F11R: variants seen among roughly 807,000 people sequenced by gnomAD.
F11R encodes F11 receptor, also known as junctional adhesion molecule A.
In F11R, 27 loss-of-function variants were observed where a neutral mutation model predicts 39.3. The ratio of observed to expected loss-of-function variants is 0.69; its 90% CI spans 0.51 to 0.95. The LOEUF (loss-of-function observed/expected upper bound fraction) is 0.95, where lower values mean the gene tolerates loss of function less well. F11R is among the 40% of genes least tolerant of loss of function. The pLI, the probability that F11R is intolerant of heterozygous loss-of-function variation, is 0.00. For synonymous variants in F11R, 131 were observed against 144.9 expected, an observed-to-expected ratio of 0.90 and a Z score of 0.69; for missense variants, 335 against 372.7, an observed-to-expected ratio of 0.90 and a Z score of 0.83.
At chr1:161,020,019 G>A (rs890689212) in intron 1 of F11R, among the ~76,000 whole-genome samples, 4 of 152,108 alleles carry the variant, frequency 2.6e-5, no homozygotes, top group Non-Finnish European at 5.9e-5. Flanking sequence ...GGGGTGGGGG[G>A]AGACTCATGT....
chr1:161,010,058 T>TAAAATAAAAAAAAAAAAAAAAA (rs1649041453), intron 1 of F11R, among the ~76,000 whole-genome samples: 1 of 145,252 alleles, frequency 6.9e-6, no homozygotes. Flanking sequence ...ACTAAACTCT[T>TAAAATAAAAAAAAAAAAAAAAA]AAAAAAAAAA....
chr1:161,011,729 C>CA (rs200362096), intron 1 of F11R, among the ~76,000 whole-genome samples: 3,510 of 116,252 alleles, frequency 0.03, 120 homozygotes, highest in African/African-American at 0.1. Flanking sequence ...GATTCCACCT[C>CA]AAAAAAAAAA....
At chr1:161,016,725 G>A (rs955988810) in intron 1 of F11R, among the ~76,000 whole-genome samples, 4 of 152,114 alleles carry the variant, frequency 2.6e-5, no homozygotes, top group South Asian at 2.1e-4. Flanking sequence ...ACTGCCACTC[G>A]TTTCCTAGTT....
intron 1 of F11R, among the ~76,000 whole-genome samples, chr1:161,001,602 A>C (rs1054436644): frequency 9.9e-5 from 15 of 152,070 alleles, no homozygotes; most frequent in Non-Finnish European, 1.5e-4. Context: ...TTTGCTTCTA[A>C]TTTTTCTCTC....
rs568845354 is a variant in F11R at position 161,007,294 on chromosome 1, C to A, written c.65-5941G>T. Reference sequence around the variant, plus strand: ...CAGCTTGACCAACATGGAGAAACCTCGTCTCTACTAAAAATACAAAATTAA... The same window carrying A: ...CAGCTTGACCAACATGGAGAAACCTAGTCTCTACTAAAAATACAAAATTAA... On this transcript the variant is annotated intron_variant, in intron 1 of 9. Coordinates refer to ENST00000368026, the MANE Select transcript of F11R (RefSeq NM_016946.6). Among the ~76,000 whole-genome samples, 154 of 151,968 alleles carry A rather than the reference C, an allele frequency of 1.0e-3. 1 individual carries two copies. Among genetic ancestry groups the A allele is most frequent in the African/African-American group, 3.5e-3 (145 of 41,452 alleles).
intron 1 of F11R, among the ~76,000 whole-genome samples, chr1:161,003,739 G>A (rs935752910): frequency 6.6e-6 from 1 of 151,914 alleles, no homozygotes; most frequent in East Asian, 1.9e-4. Flanking sequence ...ACTACGCCTA[G>A]CTAGTTCTAA....
chr1:161,003,681 A>C (rs1405994752), intron 1 of F11R, among the ~76,000 whole-genome samples: 2 of 151,216 alleles, frequency 1.3e-5, no homozygotes, highest in Admixed American at 6.6e-5. Context: ...CATTCAAGAG[A>C]TTCTCCTGCC....
chr1:161,016,358 C>T (rs1649464892), intron 1 of F11R, among the ~76,000 whole-genome samples: 1 of 152,068 alleles, frequency 6.6e-6, no homozygotes. Context: ...CGCCTGTAGT[C>T]CCAGCTACTC....
intron 3 of F11R, 110 bp from the exon 4 acceptor site, chr1:161,000,887 G>C (rs1557889778): frequency 3.3e-6 from 5 of 1,498,888 alleles, no homozygotes; most frequent in East Asian, 2.3e-5. Flanking sequence ...CCCAGAAAGG[G>C]GGGTAGGAAG....
At chr1:161,007,253 G>A (rs1258793759) in intron 1 of F11R, among the ~76,000 whole-genome samples, 1 of 151,176 alleles carries the variant, frequency 6.6e-6, no homozygotes, top group Admixed American at 6.6e-5. Flanking sequence ...ATCACCTGAG[G>A]TGGGGAGTTC....
chr1:161,005,619 C>T (rs1370403032), intron 1 of F11R, among the ~76,000 whole-genome samples: 1 of 151,898 alleles, frequency 6.6e-6, no homozygotes, highest in African/African-American at 2.4e-5. Flanking sequence ...GTGATCCACC[C>T]GCTTCGGCCT....
intron 1 of F11R, among the ~76,000 whole-genome samples, chr1:161,010,560 C>T (rs1419893072): frequency 1.3e-5 from 2 of 151,610 alleles, no homozygotes; most frequent in African/African-American, 4.9e-5. Context: ...CTTTATTGGA[C>T]AAGCAAGGAA....
At chr1:161,009,236 G>C (rs1488300530) in intron 1 of F11R, among the ~76,000 whole-genome samples, 3 of 152,014 alleles carry the variant, frequency 2.0e-5, no homozygotes, top group Non-Finnish European at 2.9e-5. Context: ...CTCTTTCCTA[G>C]GCTTTAATTA....
chr1:161,010,369 G>A (rs1649071411), intron 1 of F11R, among the ~76,000 whole-genome samples: 2 of 150,094 alleles, frequency 1.3e-5, no homozygotes, highest in Admixed American at 6.7e-5. Flanking sequence ...GCTTGAAGCC[G>A]AGAGGGGGAG....
intron 1 of F11R, among the ~76,000 whole-genome samples, chr1:161,004,054 G>A (rs1040014104): frequency 6.6e-6 from 1 of 151,950 alleles, no homozygotes; most frequent in African/African-American, 2.4e-5. Context: ...GTGAGCCACC[G>A]CGCCCGGCAA....
Position 161,000,264 on chromosome 1 carries a change from C to T in F11R, c.473G>A (p.Gly158Asp), listed in dbSNP as rs1648400742. ...RAVLTCSEQD[G>D]SPPSEYTWFK... ...CCAGGTGTATTCAGAAGGTGGGGAA[C>T]CATCTTGTTCTGAGCATGTCAGCAC... Residue 158 changes from glycine to aspartate, a missense_variant, in exon 5 of 10, where the codon GGT becomes GAT. Physicochemically the swap from Gly to Asp is moderately conservative, Grantham distance 94. Transcript: ENST00000368026. The T allele has an allele frequency of 1.2e-6, 2 of 1,613,982 alleles. No individual in the cohort carries two copies. Among genetic ancestry groups the T allele is most frequent in the South Asian group, 2.2e-5 (2 of 91,090 alleles).
intron 1 of F11R, among the ~76,000 whole-genome samples, chr1:161,005,151 C>T (rs1465479849): frequency 7.4e-6 from 1 of 134,404 alleles, no homozygotes; most frequent in Non-Finnish European, 1.7e-5. Flanking sequence ...CAGAGCAAGA[C>T]TCTGTCTCAA....
chr1:161,000,883 A>C, intron 3 of F11R, 106 bp from the exon 4 acceptor site: 2 of 1,495,482 alleles, frequency 1.3e-6, no homozygotes, highest in Non-Finnish European at 1.9e-6. Context: ...TTCCCCCAGA[A>C]AGGGGGGTAG....
chr1:161,000,324 T>A lies in F11R; in HGVS notation c.413A>T (p.Asn138Ile). The A allele has an allele frequency of 6.2e-7, 1 of 1,613,948 alleles. No individual in the cohort carries two copies. The highest frequency in any genetic ancestry group is 1.1e-5 in the South Asian group (1 of 91,072). ...VLVPPSKPTV[N>I]IPSSATIGNR... ...CCCAATGGTGGCAGAGGAGGGGATG[T>A]TAACTGTAGGCTTGGATGGAGGCAC... Residue 138 changes from asparagine (N) to isoleucine (I), a missense_variant, in exon 5 of 10, where the codon AAC becomes ATC. Coordinates refer to ENST00000368026, the MANE Select transcript of F11R (RefSeq NM_016946.6).
Sources: allele counts gnomAD v4.1 joint callset (sites outside exome capture counted in the v4.1 genomes callset), GRCh38; gene constraint gnomAD v4.1.1; transcripts MANE v1.5; gene names NCBI Gene and HGNC (gene_info 2026-07-23, HGNC 2026-07-21).